Variants in SBF2 observed in about 807,000 individuals in gnomAD.
SBF2 encodes the protein SET binding factor 2.
In SBF2, 112 loss-of-function variants were observed where a neutral mutation model predicts 225.2. The ratio of observed to expected loss-of-function variants is 0.50; its 90% CI spans 0.43 to 0.58. The LOEUF (loss-of-function observed/expected upper bound fraction) is 0.58, where lower values mean the gene tolerates loss of function less well. Among genes scored for constraint, SBF2 ranks in the 20% least tolerant of loss-of-function variants. SBF2 has a pLI of 0.00. For missense variants in SBF2, 1,996 were observed against 2,206.2 expected, an observed-to-expected ratio of 0.90 and a Z score of 1.91; for synonymous variants, 763 against 773.3, an observed-to-expected ratio of 0.99 and a Z score of 0.22.
rs564797076 is a variant in SBF2 at position 9,927,362 on chromosome 11, A to C, written c.1861-31351T>G. Among the ~76,000 whole-genome samples, 19 of 152,314 alleles carry C rather than the reference A, an allele frequency of 1.2e-4. No homozygotes were observed. In the South Asian group the frequency reaches 3.9e-3, roughly 32 times the overall value. The stretch of plus-strand genomic sequence containing the variant: ...AAACTCTACTGGAAAATTGAGCCGG[A>C]GTATGCACTTCCCAACTGATTTTAT... On this transcript the variant is annotated intron_variant, in intron 16 of 39. Transcript: ENST00000256190.
intron 32 of SBF2, among the ~76,000 whole-genome samples, chr11:9,802,320 A>C (rs964007426): frequency 6.6e-6 from 1 of 152,230 alleles, no homozygotes; most frequent in African/African-American, 2.4e-5. Context: ...ATTATGAAAC[A>C]GTGAGCTAGC....
At chr11:10,252,150 C>T (rs1434165935) in intron 1 of SBF2, among the ~76,000 whole-genome samples, 1 of 152,230 alleles carries the variant, frequency 6.6e-6, no homozygotes, top group Non-Finnish European at 1.5e-5. Flanking sequence ...CTACTCAGTC[C>T]TTGTTCTTGC....
At chr11:9,827,896 C>T (rs1407311107) in intron 28 of SBF2, among the ~76,000 whole-genome samples, 2 of 152,218 alleles carry the variant, frequency 1.3e-5, no homozygotes, top group Admixed American at 6.5e-5. Flanking sequence ...CCTCTTAATG[C>T]TCCCAAACTT....
At chr11:9,918,420 A>G (rs1863296183) in intron 16 of SBF2, among the ~76,000 whole-genome samples, 1 of 149,088 alleles carries the variant, frequency 6.7e-6, no homozygotes, top group Non-Finnish European at 1.5e-5. Context: ...TGGCACAATC[A>G]TGGCTCACTG....
intron 13 of SBF2, among the ~76,000 whole-genome samples, chr11:9,976,729 A>G (rs1946701345): frequency 1.3e-5 from 2 of 152,048 alleles, no homozygotes; most frequent in Non-Finnish European, 2.9e-5. Flanking sequence ...ACAATAAAAC[A>G]CATGTCCAAC....
At chr11:10,054,439 A>C (rs1016285282) in intron 2 of SBF2, among the ~76,000 whole-genome samples, 1 of 152,192 alleles carries the variant, frequency 6.6e-6, no homozygotes, top group Admixed American at 6.5e-5. Context: ...AGCTAACCTA[A>C]CTTCTAAGTT....
intron 6 of SBF2, among the ~76,000 whole-genome samples, chr11:10,027,556 G>C (rs1949095555): frequency 6.6e-6 from 1 of 152,166 alleles, no homozygotes; most frequent in South Asian, 2.1e-4. Context: ...GGGAAGGGAA[G>C]ATTTCAGCAT....
At chr11:9,903,051 G>T (rs1861847085) in intron 16 of SBF2, among the ~76,000 whole-genome samples, 1 of 152,126 alleles carries the variant, frequency 6.6e-6, no homozygotes, top group Non-Finnish European at 1.5e-5. Context: ...GCCGTGCGCG[G>T]TGACTCACGC....
intron 24 of SBF2, 151 bp downstream of exon 24, chr11:9,845,414 G>T (rs540110700): frequency 7.9e-6 from 6 of 758,580 alleles, no homozygotes; most frequent in East Asian, 2.7e-5. Flanking sequence ...CTGCTGTTCC[G>T]TAACTTTATG....
intron 25 of SBF2, among the ~76,000 whole-genome samples, chr11:9,840,252 CA>C (rs373616505): frequency 1.9e-3 from 185 of 97,884 alleles, no homozygotes; most frequent in African/African-American, 6.3e-3. Flanking sequence ...CCCCCAGCCG[CA>C]AAAAAAAAAA....
chr11:10,214,253 A>G (rs1958043838), intron 1 of SBF2, among the ~76,000 whole-genome samples: 1 of 152,156 alleles, frequency 6.6e-6, no homozygotes, highest in African/African-American at 2.4e-5. Context: ...ATGTCACCAG[A>G]CATTTCTAAA....
At chr11:10,183,462 C>T (rs186041858) in intron 2 of SBF2, among the ~76,000 whole-genome samples, 6 of 152,120 alleles carry the variant, frequency 3.9e-5, no homozygotes, top group Admixed American at 3.9e-4. Context: ...TAATCAGTCA[C>T]GGTTTTGACA....
At chr11:9,821,594 T>G (rs1854758990) in intron 28 of SBF2, among the ~76,000 whole-genome samples, 1 of 152,226 alleles carries the variant, frequency 6.6e-6, no homozygotes, top group Admixed American at 6.5e-5. Context: ...CCTGGGCACT[T>G]AACACCAGCA....
At chr11:10,086,668 T>TCTA (rs1477690328) in intron 2 of SBF2, among the ~76,000 whole-genome samples, 10 of 152,192 alleles carry the variant, frequency 6.6e-5, no homozygotes, top group African/African-American at 2.4e-4. Context: ...TATAATAATG[T>TCTA]CTACGTTCAC....
At chr11:10,155,910 G>C (rs1043293251) in intron 2 of SBF2, among the ~76,000 whole-genome samples, 4 of 152,240 alleles carry the variant, frequency 2.6e-5, no homozygotes, top group African/African-American at 9.6e-5. Flanking sequence ...GAGCCCCTGT[G>C]GGGATGCCAG....
chr11:10,083,962 A>G (rs1210623569), intron 2 of SBF2, among the ~76,000 whole-genome samples: 1 of 152,218 alleles, frequency 6.6e-6, no homozygotes, highest in Non-Finnish European at 1.5e-5. Context: ...CAACACAGGG[A>G]GACCACATCT....
intron 17 of SBF2, 116 bp downstream of exon 17, chr11:9,895,827 A>C (rs750180588): frequency 2.0e-4 from 158 of 778,240 alleles, no homozygotes; most frequent in Non-Finnish European, 3.1e-4. Flanking sequence ...ATAACCGCAG[A>C]TATATCTTAG....
intron 2 of SBF2, among the ~76,000 whole-genome samples, chr11:10,063,852 C>CAGAGAG (rs1156450605): frequency 1.1e-4 from 15 of 132,642 alleles, no homozygotes; most frequent in African/African-American, 4.2e-4. Flanking sequence ...CACACACACA[C>CAGAGAG]ACACACAGAG....
intron 25 of SBF2, among the ~76,000 whole-genome samples, chr11:9,840,925 A>T (rs1590197483): frequency 6.7e-6 from 1 of 149,782 alleles, no homozygotes. Flanking sequence ...TTTTTTTTTT[A>T]AAGAACATTC....
Sources: gnomAD v4.1 joint callset for allele counts (sites outside exome capture counted in the v4.1 genomes callset) on GRCh38, gnomAD v4.1.1 for gene constraint, MANE v1.5 for transcripts, NCBI Gene and HGNC (gene_info 2026-07-23, HGNC 2026-07-21) for gene names.